The following SCLT1 variants were observed in gnomAD, a reference collection of about 807,000 sequenced individuals.
SCLT1 encodes sodium channel-associated protein 1.
Under a neutral mutation model 112.8 loss-of-function variants are expected in SCLT1, and 78 were observed. That is an observed-to-expected ratio of 0.69 (90% CI 0.58 to 0.83). SCLT1 has a LOEUF of 0.83. SCLT1 is among the 40% of genes least tolerant of loss of function. The pLI is 0.00. For synonymous variants in SCLT1, 257 were observed against 254.7 expected, an observed-to-expected ratio of 1.01 and a Z score of -0.09; for missense variants, 747 against 770.4, an observed-to-expected ratio of 0.97 and a Z score of 0.36.
At chr4:128,966,844 T>C (rs201371534) in intron 10 of SCLT1, among the ~76,000 whole-genome samples, 1 of 122,876 alleles carries the variant, frequency 8.1e-6, no homozygotes, top group Admixed American at 8.8e-5. Context: ...TTTCCACAGG[T>C]TTTTTTTTTT....
intron 18 of SCLT1, among the ~76,000 whole-genome samples, chr4:128,921,599 T>G (rs1014716015): frequency 2.6e-5 from 4 of 152,226 alleles, no homozygotes; most frequent in African/African-American, 9.6e-5. Flanking sequence ...ACTGTCCATA[T>G]GTGGAAGACT....
intron 17 of SCLT1, among the ~76,000 whole-genome samples, chr4:128,937,993 T>C (rs188900778): frequency 2.9e-4 from 44 of 152,328 alleles, no homozygotes; most frequent in Admixed American, 1.6e-3. Flanking sequence ...CTATGTTTTG[T>C]GGTTCAGATG....
chr4:129,086,330 TATATATAC>T (rs1485512814), intron 1 of SCLT1, among the ~76,000 whole-genome samples: 1 of 120,804 alleles, frequency 8.3e-6, no homozygotes, highest in Non-Finnish European at 1.9e-5. Context: ...TATATATATA[TATATATAC>T]ACACACACAT....
chr4:128,876,243 C>A (rs1182062148), intron 4 of SCLT1, among the ~76,000 whole-genome samples: 1 of 152,154 alleles, frequency 6.6e-6, no homozygotes, highest in Non-Finnish European at 1.5e-5. Context: ...ATTATTCGTA[C>A]ATTTTGCTAA....
At chr4:128,921,806 T>C (rs1735905315) in intron 18 of SCLT1, among the ~76,000 whole-genome samples, 2 of 152,172 alleles carry the variant, frequency 1.3e-5, no homozygotes, top group African/African-American at 4.8e-5. Context: ...GGGACCTAAT[T>C]AAACTAAACA....
intron 2 of SCLT1, among the ~76,000 whole-genome samples, chr4:129,065,176 C>T (rs1409934660): frequency 6.6e-6 from 1 of 151,874 alleles, no homozygotes. Flanking sequence ...TCAAAATTTA[C>T]CACGGATTTA....
intron 2 of SCLT1, among the ~76,000 whole-genome samples, chr4:129,061,664 G>A (rs72685331): frequency 0.023 from 3,556 of 152,174 alleles, 75 homozygotes; most frequent in Non-Finnish European, 0.034. Flanking sequence ...TGGTGGGGGC[G>A]TGGATGGGGT....
chr4:128,982,797 T>G (rs1011196168), intron 9 of SCLT1, among the ~76,000 whole-genome samples: 2 of 151,636 alleles, frequency 1.3e-5, no homozygotes, highest in African/African-American at 4.8e-5. Context: ...CTACCGCACC[T>G]GGCCAGCTAA....
intron 15 of SCLT1, 136 bp downstream of exon 15, chr4:128,948,360 G>C: frequency 9.2e-6 from 2 of 216,984 alleles, no homozygotes; most frequent in Non-Finnish European, 1.5e-5. Context: ...AAAAAAAAAA[G>C]AAAAGAAAAG....
intron 2 of SCLT1, among the ~76,000 whole-genome samples, chr4:129,076,537 T>A (rs566290201): frequency 6.6e-6 from 1 of 152,054 alleles, no homozygotes; most frequent in Non-Finnish European, 1.5e-5. Context: ...GAAAATAAAC[T>A]TATTTTTAGT....
chr4:129,044,010 G>C lies in SCLT1; in HGVS notation c.144C>G (p.Asn48Lys). Reference sequence around the variant, plus strand: ...TACTTTACCTTTGGTCAAATACTAGGTTTTCAAATGTGTCGTCTCCTTCTC... The same window carrying C: ...TACTTTACCTTTGGTCAAATACTAGCTTTTCAAATGTGTCGTCTCCTTCTC... ...CQGEGDDTFE[N>K]LVFDQSFLAP... The change falls in exon 3 of 21, where the codon AAC becomes AAG. Residue 48 changes from asparagine to lysine, a missense_variant. Around this residue, in one of 2 missense-constraint regions of SCLT1, gnomAD observed 723 missense variants for 721.3 expected, o/e 1.00. Transcript: ENST00000281142. The C allele has an allele frequency of 6.5e-7, 1 of 1,544,032 alleles. No individual in the cohort carries two copies. Among genetic ancestry groups the C allele is most frequent in the Non-Finnish European group, 8.9e-7 (1 of 1,123,100 alleles).
intron 2 of SCLT1, among the ~76,000 whole-genome samples, chr4:129,079,204 G>T (rs1751719618): frequency 6.6e-6 from 1 of 151,968 alleles, no homozygotes; most frequent in South Asian, 2.1e-4. Context: ...CCTCACACTG[G>T]AAAATACAAT....
At chr4:128,992,047 T>C (rs1054416980) in intron 9 of SCLT1, 120 bp downstream of exon 9, 29 of 622,764 alleles carry the variant, frequency 4.7e-5, no homozygotes, top group Admixed American at 3.5e-4. Context: ...CAAGAAGATA[T>C]TGGCAGAAGC....
intron 18 of SCLT1, among the ~76,000 whole-genome samples, chr4:128,910,647 A>G (rs773594358): frequency 2.4e-4 from 36 of 152,046 alleles, no homozygotes; most frequent in Non-Finnish European, 4.3e-4. Flanking sequence ...AGTCTTCTCT[A>G]TTCCAAGAGA....
intron 18 of SCLT1, among the ~76,000 whole-genome samples, chr4:128,919,598 C>T (rs148752737): frequency 1.3e-5 from 2 of 151,884 alleles, no homozygotes; most frequent in Non-Finnish European, 2.9e-5. Context: ...AAAAACCATA[C>T]TAAAGATCAA....
At position 128,936,718 on chromosome 4, in the gene SCLT1, T is replaced by C. The variant is rs367587985; in HGVS notation, c.1766A>G (p.Asn589Ser). Residue 589 changes from asparagine to serine, a missense_variant, in exon 18 of 21, where the codon AAT (asparagine) becomes AGT (serine). Transcript: ENST00000281142. ...TTTCTTCGTTTCTTCTTTCCACCTA[T>C]TGGCTGCCTTCTGTTGAGTCGCTAG... ...HLLATQQKAANRWKEETKKLT... is the reference protein window; with the variant it reads ...HLLATQQKAASRWKEETKKLT... 6.8e-6 allele frequency: 11 copies of C among 1,612,214 alleles called. No homozygotes were observed. The highest frequency in any genetic ancestry group is 1.7e-5 in the Admixed American group (1 of 59,568).
chr4:129,014,184 G>A (rs1216713733), intron 5 of SCLT1, among the ~76,000 whole-genome samples: 1 of 151,644 alleles, frequency 6.6e-6, no homozygotes, highest in African/African-American at 2.4e-5. Flanking sequence ...TTCTATACTG[G>A]CTATTTTTGC....
intron 5 of SCLT1, among the ~76,000 whole-genome samples, chr4:129,005,744 T>C (rs1364553452): frequency 2.7e-5 from 4 of 150,470 alleles, no homozygotes; most frequent in African/African-American, 9.8e-5. Flanking sequence ...TTATTCACAA[T>C]AGCAAAGACT....
intron 7 of SCLT1, among the ~76,000 whole-genome samples, chr4:128,998,254 A>G (rs751944292): frequency 4.3e-4 from 65 of 151,862 alleles, no homozygotes; most frequent in Non-Finnish European, 8.0e-4. Flanking sequence ...AGTGATTAGA[A>G]ATTCTAAATG....
Sources: allele counts gnomAD v4.1 joint callset (sites outside exome capture counted in the v4.1 genomes callset), GRCh38; gene constraint gnomAD v4.1.1; regional missense constraint gnomAD v4.1.1; transcripts MANE v1.5; gene names NCBI Gene and HGNC (gene_info 2026-07-23, HGNC 2026-07-21).